The following UNC5B variants were observed in gnomAD, a reference collection of about 807,000 sequenced individuals.
UNC5B encodes the protein netrin receptor UNC5B.
Under a neutral mutation model 103.7 loss-of-function variants are expected in UNC5B, and 56 were observed. The observed-to-expected ratio is 0.54, with a 90% confidence interval of 0.44 to 0.67. The LOEUF (loss-of-function observed/expected upper bound fraction) is 0.67, where lower values mean the gene tolerates loss of function less well. UNC5B is among the 30% of genes least tolerant of loss of function. UNC5B has a pLI of 0.00. For synonymous variants in UNC5B, 577 were observed against 542.0 expected, an observed-to-expected ratio of 1.06 and a Z score of -0.90; for missense variants, 1,194 against 1,284.5, an observed-to-expected ratio of 0.93 and a Z score of 1.08.
chr10:71,299,185 G>C lies in UNC5B; in HGVS notation c.2746G>C (p.Asp916His). Residue 916 changes from aspartate to histidine, a missense_variant, in exon 17 of 17, where the codon GAC (aspartate) becomes CAC (histidine). By Grantham distance (81) the Asp-to-His change is moderately conservative (BLOSUM62 -1). Transcript: ENST00000335350. The part of the protein sequence containing the change: ...ILDLWEALQQ[D>H]DGDLNSLASA... ...GGACCTCTGGGAAGCTCTGCAGCAG[G>C]ACGATGGGGACCTCAACAGCCTGGC... The C allele has an allele frequency of 1.2e-6, 2 of 1,614,262 alleles. No individual in the cohort carries two copies. The highest frequency in any genetic ancestry group is 4.5e-5 in the East Asian group (2 of 44,886).
intron 1 of UNC5B, among the ~76,000 whole-genome samples, chr10:71,222,224 C>T (rs1843466917): frequency 6.6e-6 from 1 of 152,152 alleles, no homozygotes. Context: ...GTGTGAATGT[C>T]TGGCACATCT....
rs770198176 is a variant in UNC5B, at chr10:71,288,631, G to A, written c.965G>A (p.Arg322His). 22 of 1,613,816 alleles carry A rather than the reference G, an allele frequency of 1.4e-5. No individual in the cohort carries two copies. The highest frequency in any genetic ancestry group is 1.3e-5 in the Non-Finnish European group (15 of 1,180,020). ...SACSTECAHW[R>H]SRECMAPPPQ... The stretch of plus-strand genomic sequence containing the variant: ...TGCAGCACTGAGTGTGCCCACTGGC[G>A]TAGCCGCGAGTGCATGGCGCCCCCA... Residue 322 changes from arginine to histidine, a missense_variant, in exon 7 of 17, where the codon CGT becomes CAT. Physicochemically the swap from Arg to His is conservative, Grantham distance 29. Coordinates refer to ENST00000335350, the MANE Select transcript of UNC5B (RefSeq NM_170744.5).
Position 71,302,216 on chromosome 10 carries a change from TG to T in UNC5B, c.*2944del, listed in dbSNP as rs1032171305. 11 of 152,298 alleles carry T rather than the reference TG, an allele frequency of 7.2e-5. No homozygotes were observed. The highest frequency in any genetic ancestry group is 2.6e-4 in the African/African-American group (11 of 41,540). The allele number at this position is 152,298 out of a possible 1,614,324, so 9.4% of individuals were successfully genotyped here. On this transcript the variant is annotated 3_prime_UTR_variant, in exon 17 of 17. Coordinates refer to ENST00000335350, the MANE Select transcript of UNC5B (RefSeq NM_170744.5). The stretch of plus-strand genomic sequence containing the variant: ...TGGTGGGAAGCAGCTCAGGTACCCT[TG>T]GGGGTTGCAGGGCCCTTACGCAGGT...
chr10:71,247,041 C>T (rs1355177734), intron 1 of UNC5B, among the ~76,000 whole-genome samples: 1 of 152,204 alleles, frequency 6.6e-6, no homozygotes, highest in East Asian at 1.9e-4. Context: ...GAGCTTTCAG[C>T]CTCCAGCCTT....
chr10:71,276,877 G>T (rs1446332764), intron 1 of UNC5B, among the ~76,000 whole-genome samples: 1 of 55,052 alleles, frequency 1.8e-5, no homozygotes, highest in Non-Finnish European at 6.4e-5. Context: ...AGGACACCTA[G>T]GGTATAGGGA....
At chr10:71,261,278 T>C (rs1844411998) in intron 1 of UNC5B, among the ~76,000 whole-genome samples, 1 of 152,202 alleles carries the variant, frequency 6.6e-6, no homozygotes. Flanking sequence ...TGATTGGTTG[T>C]GGCTGAGTAT....
intron 1 of UNC5B, among the ~76,000 whole-genome samples, chr10:71,231,096 G>A (rs1001288264): frequency 2.6e-5 from 4 of 152,320 alleles, no homozygotes; most frequent in Middle Eastern, 6.8e-3. Flanking sequence ...GGTTGGACTA[G>A]TGAACCATAG....
intron 1 of UNC5B, among the ~76,000 whole-genome samples, chr10:71,223,098 C>T (rs551826038): frequency 1.3e-5 from 2 of 152,230 alleles, no homozygotes; most frequent in East Asian, 1.9e-4. Context: ...TCCTTGTCAC[C>T]AAGCCAGGGC....
intron 1 of UNC5B, among the ~76,000 whole-genome samples, chr10:71,219,922 T>G (rs1843418068): frequency 6.6e-6 from 1 of 152,194 alleles, no homozygotes; most frequent in Non-Finnish European, 1.5e-5. Flanking sequence ...TGAGAGCATG[T>G]CCTGAAGAGA....
chr10:71,214,573 G>A (rs1057497000), intron 1 of UNC5B, among the ~76,000 whole-genome samples: 1 of 152,150 alleles, frequency 6.6e-6, no homozygotes, highest in Non-Finnish European at 1.5e-5. Flanking sequence ...GTTGGAGGGG[G>A]TTTGAGGAGA....
chr10:71,294,576 C>T (rs1244662345), intron 13 of UNC5B, among the ~76,000 whole-genome samples: 4 of 152,110 alleles, frequency 2.6e-5, no homozygotes, highest in Non-Finnish European at 4.4e-5. Flanking sequence ...GGAGTGACAG[C>T]AGCCAGGAGA....
chr10:71,269,343 T>TCCC (rs3059586), intron 1 of UNC5B, among the ~76,000 whole-genome samples: 76,680 of 128,880 alleles, frequency 0.59, 25,269 homozygotes, highest in Non-Finnish European at 0.74. Context: ...AAAAATGAAG[T>TCCC]CCCCCCCCCA....
chr10:71,247,586 G>T (rs1844066470), intron 1 of UNC5B, among the ~76,000 whole-genome samples: 1 of 152,152 alleles, frequency 6.6e-6, no homozygotes, highest in Non-Finnish European at 1.5e-5. Flanking sequence ...ACTTTAACCT[G>T]GCACCCTGGC....
intron 1 of UNC5B, among the ~76,000 whole-genome samples, chr10:71,251,526 A>G (rs1456121912): frequency 2.0e-5 from 3 of 152,174 alleles, no homozygotes; most frequent in African/African-American, 7.2e-5. Flanking sequence ...TTTGCTCCAC[A>G]ATGGGAAATA....
chr10:71,223,774 C>CTTTTTTTTTTTTTTTTTTTTTTTT (rs1328990447), intron 1 of UNC5B, among the ~76,000 whole-genome samples: 1 of 152,164 alleles, frequency 6.6e-6, no homozygotes. Context: ...ACCTTGCCTT[C>CTTTTTTTTTTTTTTTTTTTTTTTT]TTGTGGCTCA....
At chr10:71,253,589 C>T (rs768426265) in intron 1 of UNC5B, among the ~76,000 whole-genome samples, 16 of 152,166 alleles carry the variant, frequency 1.1e-4, no homozygotes, top group Admixed American at 3.3e-4. Flanking sequence ...CCACTCAGTC[C>T]CAGGGCAAGC....
At chr10:71,245,948 T>C (rs545588681) in intron 1 of UNC5B, among the ~76,000 whole-genome samples, 2 of 152,296 alleles carry the variant, frequency 1.3e-5, no homozygotes, top group South Asian at 4.1e-4. Context: ...GCCAGCACCC[T>C]CCTCATTTCT....
intron 9 of UNC5B, 88 bp from the exon 10 acceptor site, chr10:71,291,344 G>C: frequency 1.1e-5 from 16 of 1,518,766 alleles, no homozygotes; most frequent in Non-Finnish European, 1.4e-5. Context: ...GCCTTTCACA[G>C]CTGGACATTT....
chr10:71,222,795 G>C (rs373112596), intron 1 of UNC5B, among the ~76,000 whole-genome samples: 30 of 152,348 alleles, frequency 2.0e-4, no homozygotes, highest in African/African-American at 7.0e-4. Flanking sequence ...GGCCCCAAGC[G>C]GCATCTGGAG....
Sources: allele counts gnomAD v4.1 joint callset (sites outside exome capture counted in the v4.1 genomes callset), GRCh38; gene constraint gnomAD v4.1.1; transcripts MANE v1.5; gene names NCBI Gene and HGNC (gene_info 2026-07-23, HGNC 2026-07-21).